RPL30: variants seen among roughly 807,000 people sequenced by gnomAD.
RPL30 encodes the protein large ribosomal subunit protein eL30.
For synonymous variants in RPL30, 40 were observed against 50.4 expected (o/e 0.79, Z 0.87); for missense variants, 60 against 138.0 (o/e 0.43, Z 2.83).
chr8:98,044,868 T>C (rs1413375232), intron 3 of RPL30, 75 bp downstream of exon 3: 29 of 1,472,544 alleles, frequency 2.0e-5, no homozygotes, highest in Non-Finnish European at 2.7e-5. Flanking sequence ...GTACTCAGAT[T>C]ACAAGTTTAC....
intron 3 of RPL30, chr8:98,044,338 C>G (rs574578582): frequency 2.6e-5 from 4 of 152,432 alleles, no homozygotes; most frequent in African/African-American, 9.6e-5. Flanking sequence ...CTACAGACAC[C>G]CTATATAAAA....
At chr8:98,042,872 G>T in intron 3 of RPL30, 97 bp from the exon 4 acceptor site, 1 of 1,215,954 alleles carries the variant, frequency 8.2e-7, no homozygotes, top group African/African-American at 1.6e-5. Flanking sequence ...TGTTGTTAAG[G>T]CCTTCAAAAA....
At position 98,042,702 on chromosome 8, in the gene RPL30, G is replaced by C. The variant is rs1394114214; in HGVS notation, c.241C>G (p.Leu81Val). ...VHHYSGNNIE[L>V]GTACGKYYRV... ...TAGTATTTTCCGCATGCTGTGCCCAGTTCAATATTATTGCCACTGTAGTGA... is the reference window on the plus strand; with the variant it reads ...TAGTATTTTCCGCATGCTGTGCCCACTTCAATATTATTGCCACTGTAGTGA... Residue 81 changes from leucine to valine, a missense_variant, in exon 4 of 5, where the codon CTG (leucine) becomes GTG (valine). Leu to Val is a conservative substitution (Grantham distance 32). Coordinates refer to ENST00000287038, the MANE Select transcript of RPL30 (RefSeq NM_000989.4). The C allele has an allele frequency of 6.2e-7, 1 of 1,612,030 alleles. No homozygotes were observed. The highest frequency in any genetic ancestry group is 8.5e-7 in the Non-Finnish European group (1 of 1,179,276).
intron 4 of RPL30, 141 bp downstream of exon 4, chr8:98,042,504 A>C: frequency 3.8e-6 from 3 of 790,466 alleles, no homozygotes; most frequent in South Asian, 3.5e-5. Context: ...TCTACAAAAT[A>C]CAACTACACG....
At chr8:98,042,397 T>G in intron 4 of RPL30, 1 of 454,856 alleles carries the variant, frequency 2.2e-6, no homozygotes, top group Non-Finnish European at 4.0e-6. Context: ...TGTCATTATT[T>G]CATAGGTACT....
chr8:98,042,830 CTAAA>C, intron 3 of RPL30, 55 bp from the exon 4 acceptor site: 3 of 1,464,090 alleles, frequency 2.0e-6, no homozygotes, highest in Non-Finnish European at 2.7e-6. Flanking sequence ...GACTGACAGA[CTAAA>C]TGTTACTACT....
At chr8:98,042,412 C>T (rs759347174) in intron 4 of RPL30, 1 of 473,432 alleles carries the variant, frequency 2.1e-6, no homozygotes, top group Non-Finnish European at 3.8e-6. Context: ...GGTACTTCAT[C>T]AAATGAAATT....
intron 3 of RPL30, chr8:98,043,735 G>A (rs1338123258): frequency 6.6e-6 from 1 of 151,724 alleles, no homozygotes; most frequent in Non-Finnish European, 1.5e-5. Flanking sequence ...ATGGTTTTAG[G>A]AATCGGAAAG....
Sources: allele counts gnomAD v4.1 joint callset, GRCh38; gene constraint gnomAD v4.1.1; transcripts MANE v1.5; gene names NCBI Gene and HGNC (gene_info 2026-07-23, HGNC 2026-07-21).